YBEY: variants seen among roughly 807,000 people sequenced by gnomAD.
YBEY encodes the protein ybeY metalloendoribonuclease.
A neutral mutation model predicts 13.5 loss-of-function variants in YBEY; 15 were observed. The ratio of observed to expected loss-of-function variants is 1.11; its 90% CI spans 0.75 to 1.72. YBEY has a LOEUF of 1.72. Among genes scored for constraint, YBEY ranks in the 40% most tolerant of loss-of-function variants. The pLI, the probability that YBEY is intolerant of heterozygous loss-of-function variation, is 0.00. For synonymous variants in YBEY, 101 were observed against 83.1 expected (o/e 1.21, Z -1.17); for missense variants, 244 against 208.4 (o/e 1.17, Z -1.05).
At chr21:46,291,507 G>A (rs2081710528) in intron 3 of YBEY, 45 bp downstream of exon 3, 2 of 1,607,812 alleles carry the variant, frequency 1.2e-6, no homozygotes, top group African/African-American at 1.3e-5. Flanking sequence ...CATGGAACAT[G>A]GGCCTTGCAA....
chr21:46,300,443 T>C (rs11089056), downstream of YBEY: 131,306 of 207,020 alleles, frequency 0.63, 43,557 homozygotes, highest in Non-Finnish European at 0.71. Flanking sequence ...AAAAAAAACA[T>C]TTTTAATAGA....
chr21:46,301,773 T>C, downstream of YBEY: 1 of 1,232,212 alleles, frequency 8.1e-7, no homozygotes, highest in Non-Finnish European at 1.0e-6. Flanking sequence ...CACAGGCCCC[T>C]CACTGCAGGG....
downstream of YBEY, chr21:46,300,670 G>A (rs966498186): frequency 3.1e-6 from 4 of 1,273,550 alleles, no homozygotes; most frequent in Admixed American, 9.9e-5. Context: ...GGCTGTCCCT[G>A]GGGAGCTCTG....
intron 3 of YBEY, among the ~76,000 whole-genome samples, chr21:46,292,446 A>G (rs1239270371): frequency 6.6e-6 from 1 of 152,152 alleles, no homozygotes; most frequent in African/African-American, 2.4e-5. Context: ...CAAGGAGGGG[A>G]TTCGTTTTAG....
At chr21:46,298,519 G>T (rs1017248643), downstream of YBEY, among the ~76,000 whole-genome samples, 7 of 145,088 alleles carry the variant, frequency 4.8e-5, no homozygotes, top group South Asian at 2.2e-4. Flanking sequence ...GGCTCCGCCC[G>T]CCGGGGTTCA....
At chr21:46,297,790 G>C (rs896307562), downstream of YBEY, 5 of 1,225,658 alleles carry the variant, frequency 4.1e-6, no homozygotes, top group African/African-American at 6.2e-5. Flanking sequence ...AAATAAAACG[G>C]TTCCGAGCCG....
downstream of YBEY, among the ~76,000 whole-genome samples, chr21:46,298,530 C>T (rs1302831002): frequency 6.7e-6 from 1 of 148,294 alleles, no homozygotes; most frequent in Non-Finnish European, 1.5e-5. Context: ...CCGGGGTTCA[C>T]GCCATTCTCC....
At chr21:46,304,602 T>C in the YBEY span, among the ~76,000 whole-genome samples, 4 of 151,594 alleles carry the variant, frequency 2.6e-5, no homozygotes, top group Non-Finnish European at 5.9e-5. Flanking sequence ...CTGGCAAAAA[T>C]GAAAAGTGTG....
intron 4 of YBEY, 72 bp downstream of exon 4, chr21:46,296,302 C>T: frequency 6.4e-7 from 1 of 1,573,924 alleles, no homozygotes; most frequent in Non-Finnish European, 8.7e-7. Flanking sequence ...CCCTGCCAGC[C>T]CCCACCCTCC....
At chr21:46,300,873 T>A, downstream of YBEY, 1 of 1,095,984 alleles carries the variant, frequency 9.1e-7, no homozygotes, top group African/African-American at 1.7e-5. Context: ...GAAACATAAT[T>A]GCACCCAAAA....
At chr21:46,307,969 AGACACTAGAT>A in the YBEY span, among the ~76,000 whole-genome samples, 1 of 152,168 alleles carries the variant, frequency 6.6e-6, no homozygotes. Flanking sequence ...TAAATGCTGC[AGACACTAGAT>A]AACAGTTTGG....
chr21:46,287,151 C>G, intron 2 of YBEY, 28 bp downstream of exon 2: 8 of 1,208,100 alleles, frequency 6.6e-6, no homozygotes, highest in Non-Finnish European at 9.3e-6. Context: ...CTCTTCTTGT[C>G]TAGCCCATCT....
At chr21:46,300,736 T>C (rs1477167825), downstream of YBEY, 1 of 1,289,072 alleles carries the variant, frequency 7.8e-7, no homozygotes, top group South Asian at 1.2e-5. Context: ...CTTTCAAAGA[T>C]GGAAGCACTG....
the YBEY span, chr21:46,311,516 T>C: frequency 1.9e-6 from 3 of 1,612,532 alleles, no homozygotes; most frequent in Non-Finnish European, 2.5e-6. Context: ...ATCTGTGCTA[T>C]GAGTGGCTGC....
At chr21:46,308,586 T>TA in the YBEY span, among the ~76,000 whole-genome samples, 8 of 152,152 alleles carry the variant, frequency 5.3e-5, no homozygotes, top group African/African-American at 1.4e-4. Context: ...TTGTTGGCCA[T>TA]AAGCGAAAAC....
the YBEY span, among the ~76,000 whole-genome samples, chr21:46,306,228 G>A: frequency 6.6e-6 from 1 of 152,144 alleles, no homozygotes; most frequent in African/African-American, 2.4e-5. Flanking sequence ...TAAAGGTAGG[G>A]CCGGGCATGG....
the YBEY span, chr21:46,311,747 C>A: frequency 2.3e-6 from 1 of 441,092 alleles, no homozygotes; most frequent in Non-Finnish European, 4.2e-6. Context: ...AACCATCCAC[C>A]CACTCATCCA....
chr21:46,296,294 C>T (rs2081949618), intron 4 of YBEY, 64 bp downstream of exon 4: 3 of 1,587,330 alleles, frequency 1.9e-6, no homozygotes, highest in Non-Finnish European at 2.6e-6. Flanking sequence ...CCCCAGGCCC[C>T]TGCCAGCCCC....
chr21:46,301,413 C>G, downstream of YBEY: 1 of 940,000 alleles, frequency 1.1e-6, no homozygotes, highest in Non-Finnish European at 1.3e-6. Context: ...TCTTAAAGTG[C>G]TGGGATTACA....
Sources: allele counts gnomAD v4.1 joint callset (sites outside exome capture counted in the v4.1 genomes callset), GRCh38; gene constraint gnomAD v4.1.1; transcripts MANE v1.5; gene names NCBI Gene and HGNC (gene_info 2026-07-23, HGNC 2026-07-21).